AP2B1: variants seen among roughly 807,000 people sequenced by gnomAD.
AP2B1 encodes AP-2 complex subunit beta.
AP2B1 carries 23 observed loss-of-function variants against 102.0 expected under a neutral mutation model. That is an observed-to-expected ratio of 0.23 (90% CI 0.16 to 0.32). The LOEUF (loss-of-function observed/expected upper bound fraction) is 0.32, where lower values mean the gene tolerates loss of function less well. Among genes scored for constraint, AP2B1 ranks in the 10% least tolerant of loss-of-function variants. The pLI is 1.00. For synonymous variants in AP2B1, 381 were observed against 421.2 expected (o/e 0.90, Z 1.17); for missense variants, 541 against 1,157.4 (o/e 0.47, Z 7.73).
intron 14 of AP2B1, among the ~76,000 whole-genome samples, chr17:35,660,328 G>A (rs774481301): frequency 1.2e-4 from 18 of 151,996 alleles, no homozygotes; most frequent in Non-Finnish European, 2.4e-4. Context: ...TAGAGTCTGC[G>A]TTTCTAACAA....
At chr17:35,648,639 ATGGTGCAG>A (rs2075005385) in intron 12 of AP2B1, among the ~76,000 whole-genome samples, 1 of 152,170 alleles carries the variant, frequency 6.6e-6, no homozygotes, top group African/African-American at 2.4e-5. Flanking sequence ...CTAATAATTA[ATGGTGCAG>A]TGGGCATTAC....
rs1349809467 is a variant in AP2B1 at position 35,657,651 on chromosome 17, C to G, written c.1849C>G (p.Gln617Glu). 1 of 1,614,122 alleles carries G rather than the reference C, an allele frequency of 6.2e-7. No individual in the cohort carries two copies. The highest frequency in any genetic ancestry group is 1.7e-5 in the Admixed American group (1 of 60,016). ...CACTACCACTGCAACGAACCTGGAA[C>G]AGCCTCAGGTTATCCCCTCTCAAGG... ...VGTTTATNLE[Q>E]PQVIPSQGDL... The change falls in exon 14 of 22, where the codon CAG (glutamine) becomes GAG (glutamate). Residue 617 changes from glutamine to glutamate, a missense_variant. Around this residue, in one of 10 missense-constraint regions of AP2B1, gnomAD observed 39 missense variants for 42.0 expected, o/e 0.93. Coordinates refer to ENST00000610402, the MANE Select transcript of AP2B1 (RefSeq NM_001030006.2).
intron 10 of AP2B1, 142 bp from the exon 11 acceptor site, chr17:35,639,453 C>T (rs1457865592): frequency 8.4e-6 from 5 of 592,320 alleles, no homozygotes; most frequent in East Asian, 3.0e-5. Flanking sequence ...GACTTAAAAC[C>T]TATTCATTCT....
intron 11 of AP2B1, among the ~76,000 whole-genome samples, chr17:35,641,654 C>T (rs745677475): frequency 3.9e-5 from 6 of 152,092 alleles, no homozygotes; most frequent in Admixed American, 2.6e-4. Flanking sequence ...AAATGCATTT[C>T]GAGGTTAAAA....
intron 21 of AP2B1, among the ~76,000 whole-genome samples, chr17:35,717,937 C>G (rs1477980484): frequency 6.6e-6 from 1 of 152,226 alleles, no homozygotes; most frequent in East Asian, 1.9e-4. Flanking sequence ...AAGGCAGAAG[C>G]AGTTGCTTTG....
Position 35,587,411 on chromosome 17 carries a change from C to G in AP2B1, c.-41C>G, listed in dbSNP as rs1347984938. ...GCTCCCGCCGCCACCCCCGCCCTCG[C>G]CTTCGCCTCCGCCTCCGGTGAGTTC... On this transcript the variant is annotated 5_prime_UTR_variant, in exon 1 of 22. Transcript: ENST00000610402. The G allele has an allele frequency of 6.5e-6, 1 of 153,266 alleles. No individual in the cohort carries two copies. Among genetic ancestry groups the G allele is most frequent in the Admixed American group, 6.5e-5 (1 of 15,292 alleles). 9.5% of individuals were successfully genotyped at this position (153,266 alleles called of 1,614,324 possible).
At chr17:35,623,770 A>G (rs2074245885) in intron 5 of AP2B1, among the ~76,000 whole-genome samples, 1 of 152,224 alleles carries the variant, frequency 6.6e-6, no homozygotes. Flanking sequence ...CTTTGTAGAA[A>G]GCACTTACAC....
chr17:35,651,037 G>T (rs2075073638), intron 13 of AP2B1: 2 of 428,834 alleles, frequency 4.7e-6, no homozygotes, highest in Non-Finnish European at 4.2e-6. Context: ...CAATCTAGGA[G>T]TACATTATGG....
chr17:35,668,504 T>C (rs2075518284), intron 14 of AP2B1, among the ~76,000 whole-genome samples: 1 of 152,206 alleles, frequency 6.6e-6, no homozygotes, highest in Admixed American at 6.5e-5. Flanking sequence ...TTCCATTGTG[T>C]ATCCAAGGTT....
intron 9 of AP2B1, among the ~76,000 whole-genome samples, chr17:35,628,660 A>C (rs919262875): frequency 1.3e-5 from 2 of 152,198 alleles, no homozygotes; most frequent in Admixed American, 1.3e-4. Flanking sequence ...ATTATTTATT[A>C]ATTTACCTAT....
chr17:35,722,571 A>G (rs1205702771), intron 21 of AP2B1, among the ~76,000 whole-genome samples: 2 of 149,686 alleles, frequency 1.3e-5, no homozygotes, highest in Non-Finnish European at 3.0e-5. Context: ...CCGTTGACCA[A>G]AATCTTCTTG....
At chr17:35,717,458 G>A (rs886197487) in intron 21 of AP2B1, 109 bp downstream of exon 21, 6 of 1,257,328 alleles carry the variant, frequency 4.8e-6, no homozygotes, top group Non-Finnish European at 6.7e-6. Context: ...TTAAACCTGA[G>A]ATATACAAAA....
intron 12 of AP2B1, among the ~76,000 whole-genome samples, chr17:35,647,391 C>A (rs138027397): frequency 0.022 from 3,394 of 152,088 alleles, 90 homozygotes; most frequent in African/African-American, 0.065. Flanking sequence ...TCAGTGCCCC[C>A]CCTCCCCACA....
At chr17:35,644,304 A>G (rs1194002101) in intron 12 of AP2B1, among the ~76,000 whole-genome samples, 1 of 152,276 alleles carries the variant, frequency 6.6e-6, no homozygotes, top group Middle Eastern at 3.4e-3. Context: ...ATAAGCCCAT[A>G]TGTATATGTG....
At chr17:35,703,489 C>T (rs2076280185) in intron 18 of AP2B1, among the ~76,000 whole-genome samples, 1 of 152,096 alleles carries the variant, frequency 6.6e-6, no homozygotes, top group Non-Finnish European at 1.5e-5. Flanking sequence ...CCGTGGAATA[C>T]TATGCACCCA....
intron 17 of AP2B1, among the ~76,000 whole-genome samples, chr17:35,679,985 G>T (rs2075782711): frequency 6.7e-6 from 1 of 148,980 alleles, no homozygotes; most frequent in African/African-American, 2.5e-5. Flanking sequence ...GCAGTGCATT[G>T]GCATGATCTT....
chr17:35,649,808 C>T (rs545008988), intron 12 of AP2B1, among the ~76,000 whole-genome samples: 59 of 152,262 alleles, frequency 3.9e-4, no homozygotes, highest in Admixed American at 5.2e-4. Flanking sequence ...GTTGCCCAGT[C>T]TGGAGTGCAG....
chr17:35,672,495 A>T (rs368495296), intron 16 of AP2B1, among the ~76,000 whole-genome samples: 5 of 152,210 alleles, frequency 3.3e-5, no homozygotes, highest in African/African-American at 1.2e-4. Context: ...GCCAGGCTTC[A>T]TACAGTCTTA....
intron 9 of AP2B1, 87 bp from the exon 10 acceptor site, chr17:35,636,254 G>GC: frequency 4.9e-6 from 4 of 822,176 alleles, no homozygotes; most frequent in East Asian, 2.7e-5. Flanking sequence ...TTTAGTTGAT[G>GC]CACCTGCATG....
Sources: gnomAD v4.1 joint callset for allele counts (sites outside exome capture counted in the v4.1 genomes callset) on GRCh38, gnomAD v4.1.1 for gene constraint, gnomAD v4.1.1 regional missense constraint, MANE v1.5 for transcripts, NCBI Gene and HGNC (gene_info 2026-07-23, HGNC 2026-07-21) for gene names.